Variants in POC1A observed in about 807,000 individuals in gnomAD.
POC1A encodes the protein POC1 centriolar protein A, also known as POC1 centriolar protein homolog A.
In POC1A, 34 loss-of-function variants were observed where a neutral mutation model predicts 47.8. The observed-to-expected ratio is 0.71, with a 90% confidence interval of 0.54 to 0.95. The LOEUF (loss-of-function observed/expected upper bound fraction) is 0.95, where lower values mean the gene tolerates loss of function less well. Ranked by LOEUF, POC1A falls within the 40% of genes least tolerant of loss-of-function variation. POC1A has a pLI of 0.00. For missense variants in POC1A, 466 were observed against 528.3 expected (o/e 0.88, Z 1.16); for synonymous variants, 177 against 207.6 (o/e 0.85, Z 1.27).
intron 7 of POC1A, among the ~76,000 whole-genome samples, chr3:52,126,257 G>A (rs943373932): frequency 2.0e-5 from 3 of 152,282 alleles, no homozygotes; most frequent in East Asian, 1.9e-4. Flanking sequence ...ATTGGGAGGC[G>A]CCTTCCACTT....
chr3:52,105,327 T>C (rs574794276), intron 9 of POC1A, among the ~76,000 whole-genome samples: 4 of 152,378 alleles, frequency 2.6e-5, no homozygotes, highest in African/African-American at 9.6e-5. Flanking sequence ...TCGATTGGAC[T>C]GTTCACTGTA....
chr3:52,151,082 T>C lies in POC1A; in HGVS notation c.37A>G (p.Arg13Gly), dbSNP rs745562708. Reference sequence around the variant, plus strand: ...GCATCTCGGTGGCCCTTAAAATGCCTTTCCAGCGAGGGGTCCTCCTGAGAG... The same window carrying C: ...GCATCTCGGTGGCCCTTAAAATGCCCTTCCAGCGAGGGGTCCTCCTGAGAG... ...APCAEDPSLE[R>G]HFKGHRDAVT... is the part of the protein sequence containing the mutation. The change falls in exon 2 of 11, where the codon AGG (arginine) becomes GGG (glycine). Residue 13 changes from arginine (R) to glycine (G), a missense_variant. Physicochemically the swap from Arg to Gly is moderately radical, Grantham distance 125. Coordinates refer to ENST00000296484, the MANE Select transcript of POC1A (RefSeq NM_015426.5). 3 of 1,608,040 alleles carry C rather than the reference T, an allele frequency of 1.9e-6. No individual in the cohort carries two copies. Among genetic ancestry groups the C allele is most frequent in the Non-Finnish European group, 2.5e-6 (3 of 1,177,458 alleles).
In POC1A at chr3:52,151,200, A is replaced by C; in HGVS notation, c.19-100T>G. ...CAACAGCCGGGGGAGTAGGGTTAAA[A>C]ATGCTCAAGGCATGATCTTATATAA... On this transcript the variant is annotated intron_variant, in intron 1 of 10. Transcript: ENST00000296484. 5.8e-6 allele frequency: 9 copies of C among 1,559,468 alleles called. No individual in the cohort carries two copies. The South Asian group carries it at 1.0e-4, about 18-fold the overall frequency.
rs1461632058 is a variant in POC1A, at chr3:52,149,987, G to T, written c.104C>A (p.Ala35Asp). 6.2e-7 allele frequency: 1 copy of T among 1,611,650 alleles called. No homozygotes were observed. The highest frequency in any genetic ancestry group is 2.2e-5 in the East Asian group (1 of 44,868). Residue 35 changes from alanine to aspartate, a missense_variant and splice_region_variant, in exon 3 of 11, where the codon GCC becomes GAC. Ala to Asp is a moderately radical substitution (Grantham distance 126). Coordinates refer to ENST00000296484, the MANE Select transcript of POC1A (RefSeq NM_015426.5). The stretch of plus-strand genomic sequence containing the variant: ...GAGGCATGAGTCCATGGAGCCACTG[G>T]CTGAGGACAGTGGGTGATGCTATGA... The part of the protein sequence containing the change: ...VDFSINTKQL[A>D]SGSMDSCLMV...
At chr3:52,082,349 C>T (rs1032079912) in intron 10 of POC1A, among the ~76,000 whole-genome samples, 1 of 152,156 alleles carries the variant, frequency 6.6e-6, no homozygotes, top group African/African-American at 2.4e-5. Flanking sequence ...GACTGCCCAA[C>T]CCAGGTGACC....
intron 7 of POC1A, among the ~76,000 whole-genome samples, chr3:52,126,460 A>G (rs1038404986): frequency 6.6e-6 from 1 of 152,188 alleles, no homozygotes; most frequent in African/African-American, 2.4e-5. Flanking sequence ...AGAGGTGCTC[A>G]TAACACCTCT....
intron 4 of POC1A, among the ~76,000 whole-genome samples, 172 bp downstream of exon 4, chr3:52,149,038 C>T (rs751996869): frequency 1.3e-5 from 2 of 152,188 alleles, no homozygotes; most frequent in Non-Finnish European, 2.9e-5. Context: ...CGACAACTTA[C>T]AATGCAGGAG....
At chr3:52,140,990 T>C (rs370937404) in intron 6 of POC1A, among the ~76,000 whole-genome samples, 100 of 152,372 alleles carry the variant, frequency 6.6e-4, no homozygotes, top group African/African-American at 2.3e-3. Flanking sequence ...CTTGGCTCCA[T>C]GGCAGATATC....
chr3:52,129,926 AG>A (rs1287609486), intron 7 of POC1A, among the ~76,000 whole-genome samples: 1 of 152,220 alleles, frequency 6.6e-6, no homozygotes, highest in Non-Finnish European at 1.5e-5. Flanking sequence ...CAACAGAGAA[AG>A]ATTTTTTTTT....
intron 9 of POC1A, among the ~76,000 whole-genome samples, chr3:52,105,932 C>T (rs1009845533): frequency 2.6e-5 from 4 of 152,172 alleles, no homozygotes; most frequent in Admixed American, 6.5e-5. Flanking sequence ...TGGTGGCTCA[C>T]GCCTGTAATC....
rs1326971763 is a variant in POC1A, at chr3:52,150,998, C to G, written c.103+18G>C. ...TTCAGCTCATAACCTAGCACCTAGA[C>G]AGGGTGCCTCTTCTTACCCAGCTGC... On this transcript the variant is annotated intron_variant, in intron 2 of 10. Transcript: ENST00000296484. 3.7e-6 allele frequency: 6 copies of G among 1,612,874 alleles called. No individual in the cohort carries two copies. Among genetic ancestry groups the G allele is most frequent in the East Asian group, 2.2e-5 (1 of 44,858 alleles).
intron 7 of POC1A, among the ~76,000 whole-genome samples, chr3:52,134,562 A>G (rs1704365768): frequency 6.6e-6 from 1 of 152,066 alleles, no homozygotes; most frequent in Non-Finnish European, 1.5e-5. Context: ...AACCCAGGAG[A>G]TGGAGGTTGC....
chr3:52,082,964 G>A (rs1218666478), intron 10 of POC1A, among the ~76,000 whole-genome samples: 7 of 152,140 alleles, frequency 4.6e-5, no homozygotes, highest in South Asian at 4.1e-4. Flanking sequence ...ACAGGGCTCC[G>A]AGATTGGAAC....
chr3:52,132,903 G>A (rs556215583), intron 7 of POC1A, among the ~76,000 whole-genome samples: 9 of 152,156 alleles, frequency 5.9e-5, no homozygotes, highest in East Asian at 3.9e-4. Context: ...AAAATTAGCC[G>A]GGCATGGTGG....
chr3:52,146,019 C>G (rs1333993116), intron 5 of POC1A, 58 bp from the exon 6 acceptor site: 1 of 1,048,196 alleles, frequency 9.5e-7, no homozygotes, highest in Admixed American at 1.8e-5. Context: ...CAGGACGGAC[C>G]CAGAAACATT....
intron 10 of POC1A, among the ~76,000 whole-genome samples, chr3:52,086,234 G>A (rs1253674748): frequency 6.6e-6 from 1 of 152,128 alleles, no homozygotes; most frequent in East Asian, 1.9e-4. Flanking sequence ...GCAGTCACCC[G>A]GCCACACTGA....
chr3:52,127,288 C>T (rs868462575), intron 7 of POC1A, among the ~76,000 whole-genome samples: 61 of 152,300 alleles, frequency 4.0e-4, no homozygotes, highest in African/African-American at 2.2e-4. Flanking sequence ...ACTCAGATAC[C>T]CTTTCAGGTG....
chr3:52,142,275 G>A (rs1698223954), intron 6 of POC1A, among the ~76,000 whole-genome samples: 1 of 152,210 alleles, frequency 6.6e-6, no homozygotes, highest in Non-Finnish European at 1.5e-5. Flanking sequence ...CTTAACGTGG[G>A]CTCAGAGCAT....
intron 2 of POC1A, among the ~76,000 whole-genome samples, chr3:52,150,798 C>G (rs552299742): frequency 1.3e-5 from 2 of 152,302 alleles, no homozygotes; most frequent in East Asian, 3.9e-4. Context: ...GTGGCCTTAG[C>G]AAGGCCCCTA....
Sources: allele counts gnomAD v4.1 joint callset (sites outside exome capture counted in the v4.1 genomes callset), GRCh38; gene constraint gnomAD v4.1.1; transcripts MANE v1.5; gene names NCBI Gene and HGNC (gene_info 2026-07-23, HGNC 2026-07-21).